XKR4: variants seen among roughly 807,000 people sequenced by gnomAD.
XKR4 encodes XK-related protein 4.
In XKR4, 12 loss-of-function variants were observed where a neutral mutation model predicts 53.9. That is an observed-to-expected ratio of 0.22 (90% CI 0.14 to 0.36). The LOEUF (loss-of-function observed/expected upper bound fraction) is 0.36. Ranked by LOEUF, XKR4 falls within the 10% of genes least tolerant of loss-of-function variation. XKR4 has a pLI of 1.00. For synonymous variants in XKR4, 354 were observed against 362.4 expected, an observed-to-expected ratio of 0.98 and a Z score of 0.26; for missense variants, 799 against 859.5, an observed-to-expected ratio of 0.93 and a Z score of 0.88.
At chr8:55,520,996 C>G (rs1806788400) in intron 2 of XKR4, 1 of 152,244 alleles carries the variant, frequency 6.6e-6, no homozygotes, top group South Asian at 2.1e-4. Context: ...ACTGGTAGAA[C>G]CATTCTGACC....
intron 2 of XKR4, among the ~76,000 whole-genome samples, chr8:55,463,646 A>G (rs1805701235): frequency 6.6e-6 from 1 of 152,156 alleles, no homozygotes; most frequent in Non-Finnish European, 1.5e-5. Flanking sequence ...TGAAGGAAAT[A>G]GAGAAATAAA....
chr8:55,171,503 C>A (rs1488250733), intron 1 of XKR4, among the ~76,000 whole-genome samples: 1 of 152,188 alleles, frequency 6.6e-6, no homozygotes, highest in Non-Finnish European at 1.5e-5. Context: ...ACCTGGTGAC[C>A]AGCTTAGGTC....
At chr8:55,319,940 G>T (rs6996609) in intron 1 of XKR4, among the ~76,000 whole-genome samples, 16,505 of 152,094 alleles carry the variant, frequency 0.11, 1,682 homozygotes, top group African/African-American at 0.27. Flanking sequence ...AGCATTAATT[G>T]AAGATGTAGA....
chr8:55,165,804 C>CA (rs536690179), intron 1 of XKR4, among the ~76,000 whole-genome samples: 5,605 of 59,954 alleles, frequency 0.093, 198 homozygotes, highest in East Asian at 0.21. Flanking sequence ...GACTCCGTCT[C>CA]AAAAAAAAAA....
intron 2 of XKR4, among the ~76,000 whole-genome samples, chr8:55,388,716 G>T (rs148395882): frequency 9.8e-5 from 15 of 152,286 alleles, no homozygotes; most frequent in African/African-American, 3.1e-4. Context: ...AGTTTGAGAG[G>T]ACACAACCAT....
At chr8:55,320,780 G>C (rs1268754230) in intron 1 of XKR4, among the ~76,000 whole-genome samples, 1 of 152,050 alleles carries the variant, frequency 6.6e-6, no homozygotes, top group African/African-American at 2.4e-5. Flanking sequence ...GTCAGACTCG[G>C]TTCCTTCACT....
intron 2 of XKR4, among the ~76,000 whole-genome samples, chr8:55,486,266 C>A (rs1806189871): frequency 6.6e-6 from 1 of 152,160 alleles, no homozygotes; most frequent in Admixed American, 6.5e-5. Context: ...GTCTTTTGAC[C>A]AGATCTATCA....
chr8:55,123,396 G>A (rs1222548691), intron 1 of XKR4, among the ~76,000 whole-genome samples: 1 of 152,196 alleles, frequency 6.6e-6, no homozygotes, highest in East Asian at 1.9e-4. Flanking sequence ...CATGAAGCAT[G>A]CCCCTGGCCT....
At chr8:55,225,764 G>T (rs776997645) in intron 1 of XKR4, among the ~76,000 whole-genome samples, 1 of 152,218 alleles carries the variant, frequency 6.6e-6, no homozygotes, top group South Asian at 2.1e-4. Context: ...TGGTGCTGAC[G>T]ATTGTTTCCT....
chr8:55,356,594 A>ATCTT (rs35553940), intron 1 of XKR4, among the ~76,000 whole-genome samples: 121,404 of 151,760 alleles, frequency 0.8, 49,385 homozygotes, highest in African/African-American at 0.94. Flanking sequence ...AGAAATTACT[A>ATCTT]TATTTGTAAA....
rs78252564 is a variant in XKR4, at chr8:55,224,390, C to T, written c.806+121096C>T. 8.8e-3 allele frequency among the ~76,000 whole-genome samples: 1,334 copies of T among 152,114 alleles called. 14 individuals are homozygous for T. Among genetic ancestry groups the T allele is most frequent in the Middle Eastern group, 0.031 (9 of 294 alleles). On this transcript the variant is annotated intron_variant, in intron 1 of 2. Transcript: ENST00000327381. ...TTGAAGCAATTTTAGAATTTGCAAA[C>T]GGATATATTAAGATAGAAAATTAAA...
intron 1 of XKR4, among the ~76,000 whole-genome samples, chr8:55,117,588 G>A (rs1444948368): frequency 6.6e-6 from 1 of 152,128 alleles, no homozygotes; most frequent in Non-Finnish European, 1.5e-5. Flanking sequence ...AGGCTCCCAG[G>A]GTAGGTATTA....
intron 1 of XKR4, among the ~76,000 whole-genome samples, chr8:55,152,318 C>G (rs1816850207): frequency 6.6e-6 from 1 of 152,026 alleles, no homozygotes; most frequent in Non-Finnish European, 1.5e-5. Flanking sequence ...ATGATAGATT[C>G]TATGTAATTT....
At chr8:55,215,678 GA>G (rs992674575) in intron 1 of XKR4, among the ~76,000 whole-genome samples, 1 of 151,954 alleles carries the variant, frequency 6.6e-6, no homozygotes, top group Non-Finnish European at 1.5e-5. Context: ...TTTGATGCAG[GA>G]AAAAAATAAT....
intron 1 of XKR4, among the ~76,000 whole-genome samples, chr8:55,112,316 G>A (rs548153036): frequency 1.3e-5 from 2 of 152,212 alleles, no homozygotes; most frequent in East Asian, 3.9e-4. Context: ...GTAACGATGA[G>A]TCAAATAGAG....
chr8:55,374,215 C>G (rs540766257), intron 2 of XKR4, among the ~76,000 whole-genome samples: 1 of 152,158 alleles, frequency 6.6e-6, no homozygotes, highest in African/African-American at 2.4e-5. Flanking sequence ...CACATTATTA[C>G]GATAAACATG....
intron 2 of XKR4, chr8:55,449,838 T>A: frequency 9.1e-7 from 1 of 1,093,230 alleles, no homozygotes; most frequent in Non-Finnish European, 1.4e-6. Flanking sequence ...TAGGACCTGT[T>A]CTCACTCTCA....
intron 1 of XKR4, among the ~76,000 whole-genome samples, chr8:55,286,054 G>A (rs1478048820): frequency 3.3e-5 from 5 of 152,138 alleles, no homozygotes; most frequent in South Asian, 2.1e-4. Flanking sequence ...GCACAGAATC[G>A]GCTGTACCTG....
intron 2 of XKR4, among the ~76,000 whole-genome samples, chr8:55,367,112 A>G (rs1804000132): frequency 6.6e-6 from 1 of 152,160 alleles, no homozygotes; most frequent in Admixed American, 6.5e-5. Flanking sequence ...TTTCAGCATC[A>G]CAGAAGCCCT....
Sources: gnomAD v4.1 joint callset for allele counts (sites outside exome capture counted in the v4.1 genomes callset) on GRCh38, gnomAD v4.1.1 for gene constraint, MANE v1.5 for transcripts, NCBI Gene and HGNC (gene_info 2026-07-23, HGNC 2026-07-21) for gene names.